Variants in TRHDE observed in about 807,000 individuals in gnomAD.
TRHDE encodes the protein thyrotropin-releasing hormone-degrading ectoenzyme.
In TRHDE, 72 loss-of-function variants were observed where a neutral mutation model predicts 125.7. The ratio of observed to expected loss-of-function variants is 0.57; its 90% CI spans 0.47 to 0.70. The LOEUF is 0.70. TRHDE is among the 30% of genes least tolerant of loss of function. TRHDE has a pLI of 0.00. For synonymous variants in TRHDE, 509 were observed against 509.1 expected, an observed-to-expected ratio of 1.00 and a Z score of 0.00; for missense variants, 1,110 against 1,327.1, an observed-to-expected ratio of 0.84 and a Z score of 2.54.
At chr12:72,135,212 A>G (rs1875957397) in intron 2 of TRHDE, among the ~76,000 whole-genome samples, 1 of 152,186 alleles carries the variant, frequency 6.6e-6, no homozygotes, top group African/African-American at 2.4e-5. Flanking sequence ...AATCGGAATG[A>G]CCAGGTCTCC....
intron 13 of TRHDE, among the ~76,000 whole-genome samples, chr12:72,620,318 C>T (rs1872992123): frequency 1.1e-5 from 1 of 90,356 alleles, no homozygotes; most frequent in African/African-American, 6.1e-5. Context: ...ACCTGGGCAA[C>T]ATGGTGAAAC....
intron 5 of TRHDE, among the ~76,000 whole-genome samples, chr12:72,495,028 A>G (rs1485508911): frequency 1.2e-5 from 1 of 83,618 alleles, no homozygotes; most frequent in Non-Finnish European, 2.5e-5. Flanking sequence ...ACCTTTTTCT[A>G]CTTCTCCATT....
At chr12:72,458,202 A>G (rs1220799881) in intron 3 of TRHDE, among the ~76,000 whole-genome samples, 2 of 152,218 alleles carry the variant, frequency 1.3e-5, no homozygotes, top group Non-Finnish European at 2.9e-5. Context: ...GCTGAAAACA[A>G]TATTGAATGA....
chr12:72,582,536 T>C (rs1871283408), intron 12 of TRHDE: 6 of 985,434 alleles, frequency 6.1e-6, no homozygotes, highest in Non-Finnish European at 7.2e-6. Context: ...CATATGTTGA[T>C]CATTTTTTCA....
intron 2 of TRHDE, among the ~76,000 whole-genome samples, chr12:72,111,204 T>C (rs1432200044): frequency 6.6e-6 from 1 of 152,158 alleles, no homozygotes; most frequent in African/African-American, 2.4e-5. Context: ...AACGCAGTAG[T>C]CCATTTCAGA....
At chr12:72,295,726 A>G (rs1469653917) in intron 2 of TRHDE, among the ~76,000 whole-genome samples, 1 of 152,208 alleles carries the variant, frequency 6.6e-6, no homozygotes, top group Non-Finnish European at 1.5e-5. Context: ...CTGAAAACAA[A>G]TTAAGTCTCA....
chr12:72,546,159 TAATA>T (rs1268085795), intron 7 of TRHDE, among the ~76,000 whole-genome samples: 1 of 151,752 alleles, frequency 6.6e-6, no homozygotes, highest in Non-Finnish European at 1.5e-5. Flanking sequence ...ATAAAAGATC[TAATA>T]AATCCATGAA....
At chr12:72,583,832 A>G (rs1371713329) in intron 12 of TRHDE, among the ~76,000 whole-genome samples, 1 of 148,860 alleles carries the variant, frequency 6.7e-6, no homozygotes, top group Non-Finnish European at 1.5e-5. Flanking sequence ...TGGGATGAGG[A>G]TTTATGAGGA....
At chr12:72,200,561 G>A (rs141481479) in intron 2 of TRHDE, among the ~76,000 whole-genome samples, 2 of 152,280 alleles carry the variant, frequency 1.3e-5, no homozygotes, top group African/African-American at 4.8e-5. Flanking sequence ...AGTATTGACT[G>A]TTGGGAAACA....
chr12:72,519,729 A>G (rs920757326), intron 6 of TRHDE, among the ~76,000 whole-genome samples: 1 of 152,070 alleles, frequency 6.6e-6, no homozygotes, highest in Non-Finnish European at 1.5e-5. Flanking sequence ...TCTGCTTTTT[A>G]GAGTTTCCAG....
chr12:72,514,141 C>G (rs971512087), intron 6 of TRHDE, among the ~76,000 whole-genome samples: 120 of 152,052 alleles, frequency 7.9e-4, no homozygotes, highest in African/African-American at 2.9e-3. Flanking sequence ...CATATCCTTT[C>G]TAGAAAAGCC....
intron 9 of TRHDE, among the ~76,000 whole-genome samples, chr12:72,565,191 T>C (rs1870383202): frequency 6.6e-6 from 1 of 152,194 alleles, no homozygotes. Flanking sequence ...TCCTAGATCT[T>C]TATTTTACAA....
intron 2 of TRHDE, among the ~76,000 whole-genome samples, chr12:72,245,326 T>C (rs1258311117): frequency 6.6e-6 from 1 of 151,718 alleles, no homozygotes; most frequent in Non-Finnish European, 1.5e-5. Context: ...TAGATAGATA[T>C]AGATATAGAT....
In TRHDE at chr12:72,119,427, A is replaced by G. The variant is rs368233493; in HGVS notation, n.279+13675A>G. ...GCTTTATACTATTTGAATTTTTTGA[A>G]TGTTTTAAAACTTGTTTTGTGGCCT... is the stretch of plus-strand genomic sequence containing the variant. On this transcript the variant is annotated intron_variant and non_coding_transcript_variant, in intron 2 of 4. Transcript: ENST00000548156. 3.3e-5 allele frequency among the ~76,000 whole-genome samples: 5 copies of G among 152,232 alleles called. No homozygotes were observed. In the East Asian group the frequency reaches 9.6e-4, roughly 29 times the overall value.
At chr12:72,530,809 C>A (rs1868515055) in intron 6 of TRHDE, among the ~76,000 whole-genome samples, 1 of 152,008 alleles carries the variant, frequency 6.6e-6, no homozygotes, top group Admixed American at 6.6e-5. Flanking sequence ...ACTCTATCCC[C>A]TAACCCTGCT....
At chr12:72,185,985 A>G (rs1311178750) in intron 2 of TRHDE, among the ~76,000 whole-genome samples, 1 of 152,198 alleles carries the variant, frequency 6.6e-6, no homozygotes, top group Admixed American at 6.5e-5. Context: ...TTGTAAAAGC[A>G]CCAATCAGCC....
intron 3 of TRHDE, among the ~76,000 whole-genome samples, chr12:72,443,551 T>A (rs902331132): frequency 6.6e-6 from 1 of 151,682 alleles, no homozygotes; most frequent in Non-Finnish European, 1.5e-5. Flanking sequence ...TGAAGTAAAC[T>A]GGTTAAAAAT....
At chr12:72,661,551 G>T (rs1446828180) in intron 18 of TRHDE, among the ~76,000 whole-genome samples, 2 of 151,928 alleles carry the variant, frequency 1.3e-5, no homozygotes, top group Non-Finnish European at 2.9e-5. Context: ...TTGCCTTAAG[G>T]ATATAGACTG....
At chr12:72,176,597 G>T (rs1266502045) in intron 2 of TRHDE, among the ~76,000 whole-genome samples, 1 of 152,174 alleles carries the variant, frequency 6.6e-6, no homozygotes, top group Admixed American at 6.5e-5. Context: ...GTAGTGGTAT[G>T]ATTTTTTTCT....
Sources: gnomAD v4.1 joint callset for allele counts (sites outside exome capture counted in the v4.1 genomes callset) on GRCh38, gnomAD v4.1.1 for gene constraint, MANE v1.5 for transcripts, NCBI Gene and HGNC (gene_info 2026-07-23, HGNC 2026-07-21) for gene names.